GALNTL6: variants seen among roughly 807,000 people sequenced by gnomAD.
GALNTL6 encodes the protein polypeptide N-acetylgalactosaminyltransferase-like 6.
A neutral mutation model predicts 73.7 loss-of-function variants in GALNTL6; 46 were observed. The observed-to-expected ratio is 0.62, with a 90% CI of 0.49 to 0.80. The LOEUF (loss-of-function observed/expected upper bound fraction) is 0.80, where lower values mean the gene tolerates loss of function less well. GALNTL6 is among the 30% of genes least tolerant of loss of function. GALNTL6 has a pLI of 0.00. For synonymous variants in GALNTL6, 259 were observed against 263.7 expected (o/e 0.98, Z 0.17); for missense variants, 604 against 755.0 (o/e 0.80, Z 2.34).
chr4:172,781,478 CA>C (rs1560948569), intron 5 of GALNTL6, among the ~76,000 whole-genome samples: 3 of 151,686 alleles, frequency 2.0e-5, no homozygotes, highest in African/African-American at 7.3e-5. Context: ...GCATTTTTTT[CA>C]AAAAAATTTT....
chr4:172,683,934 G>A (rs1208418686), intron 5 of GALNTL6, among the ~76,000 whole-genome samples: 2 of 152,164 alleles, frequency 1.3e-5, no homozygotes, highest in East Asian at 1.9e-4. Context: ...CTATGACTTA[G>A]AAAGGACCAC....
At chr4:172,522,329 A>G (rs1734802512) in intron 5 of GALNTL6, among the ~76,000 whole-genome samples, 1 of 152,188 alleles carries the variant, frequency 6.6e-6, no homozygotes, top group South Asian at 2.1e-4. Context: ...GTTGATTATT[A>G]TCTTTAAACA....
At chr4:172,217,137 A>G (rs1736520837) in intron 2 of GALNTL6, among the ~76,000 whole-genome samples, 1 of 152,162 alleles carries the variant, frequency 6.6e-6, no homozygotes, top group African/African-American at 2.4e-5. Flanking sequence ...GTCCTTTAAA[A>G]GGTGTTGGAC....
In GALNTL6 at chr4:172,112,422, T is replaced by C. The variant is rs553105095; in HGVS notation, c.139-117234T>C. On this transcript the variant is annotated intron_variant, in intron 2 of 12. Coordinates refer to ENST00000506823, the MANE Select transcript of GALNTL6 (RefSeq NM_001034845.3). The stretch of plus-strand genomic sequence containing the variant: ...TTTGCGTAAATACCAAGGAGTTCAG[T>C]TGCTAAATCCTATGGTAAGGGTATG... Among the ~76,000 whole-genome samples, 4 of 152,150 alleles carry C rather than the reference T, an allele frequency of 2.6e-5. No homozygotes were observed. The East Asian group carries it at 7.7e-4, about 29-fold the overall frequency.
intron 8 of GALNTL6, among the ~76,000 whole-genome samples, chr4:172,902,716 C>T (rs1444400025): frequency 6.6e-6 from 1 of 152,196 alleles, no homozygotes; most frequent in Non-Finnish European, 1.5e-5. Context: ...CAGGTAACCA[C>T]CTTTGTTGTG....
intron 2 of GALNTL6, among the ~76,000 whole-genome samples, chr4:172,199,709 C>T (rs911937080): frequency 2.0e-5 from 3 of 151,928 alleles, no homozygotes; most frequent in African/African-American, 4.8e-5. Context: ...TTTTTAAACT[C>T]CTGGTAAATA....
intron 3 of GALNTL6, among the ~76,000 whole-genome samples, chr4:172,234,687 T>G (rs1227439093): frequency 6.6e-6 from 1 of 152,176 alleles, no homozygotes; most frequent in African/African-American, 2.4e-5. Flanking sequence ...AATAGCTACA[T>G]TTGATTTGTT....
intron 3 of GALNTL6, among the ~76,000 whole-genome samples, chr4:172,304,116 T>C (rs1247406771): frequency 1.2e-4 from 18 of 152,202 alleles, no homozygotes; most frequent in Non-Finnish European, 1.0e-4. Context: ...AGTTAATAAC[T>C]GTGGTGTTCA....
intron 4 of GALNTL6, among the ~76,000 whole-genome samples, chr4:172,337,280 A>G (rs997742357): frequency 6.6e-6 from 1 of 152,068 alleles, no homozygotes; most frequent in African/African-American, 2.4e-5. Context: ...TACACCATGT[A>G]CATTCAAGGT....
chr4:173,026,049 G>A (rs187491504), intron 12 of GALNTL6, among the ~76,000 whole-genome samples: 1 of 152,194 alleles, frequency 6.6e-6, no homozygotes, highest in Non-Finnish European at 1.5e-5. Context: ...CTCCAAAATT[G>A]AGCGCTATCT....
intron 5 of GALNTL6, among the ~76,000 whole-genome samples, chr4:172,358,581 A>T (rs1742247646): frequency 6.6e-6 from 1 of 152,126 alleles, no homozygotes; most frequent in Non-Finnish European, 1.5e-5. Flanking sequence ...TGTGTGGCCC[A>T]AGACAATTTT....
At chr4:173,027,788 A>G (rs1753293701) in intron 12 of GALNTL6, among the ~76,000 whole-genome samples, 1 of 152,228 alleles carries the variant, frequency 6.6e-6, no homozygotes, top group Admixed American at 6.5e-5. Context: ...ATGTTAGGGT[A>G]TTTAGAAAAT....
At chr4:172,346,726 C>G (rs333403) in intron 4 of GALNTL6, among the ~76,000 whole-genome samples, 73 of 152,162 alleles carry the variant, frequency 4.8e-4, no homozygotes, top group African/African-American at 1.7e-3. Context: ...TGGCCTATAT[C>G]AAACCTTCAG....
At chr4:171,978,251 A>G (rs1739780054) in intron 2 of GALNTL6, among the ~76,000 whole-genome samples, 1 of 148,762 alleles carries the variant, frequency 6.7e-6, no homozygotes. Flanking sequence ...GTTGTTATAT[A>G]TACTAACTAT....
At chr4:172,312,766 T>G (rs1028337548) in intron 4 of GALNTL6, among the ~76,000 whole-genome samples, 2 of 152,244 alleles carry the variant, frequency 1.3e-5, no homozygotes, top group Non-Finnish European at 2.9e-5. Flanking sequence ...GACTATTTTC[T>G]AGTTGCCATT....
At chr4:172,521,032 G>A (rs550005087) in intron 5 of GALNTL6, among the ~76,000 whole-genome samples, 2 of 151,978 alleles carry the variant, frequency 1.3e-5, no homozygotes, top group Admixed American at 6.6e-5. Flanking sequence ...AAAGTGAAAA[G>A]ATGTTTTCTT....
At chr4:172,726,901 G>A (rs1210563365) in intron 5 of GALNTL6, among the ~76,000 whole-genome samples, 1 of 152,126 alleles carries the variant, frequency 6.6e-6, no homozygotes, top group African/African-American at 2.4e-5. Context: ...GTGATCAAAT[G>A]TCAGGTCATC....
At chr4:172,702,721 A>C (rs1734096072) in intron 5 of GALNTL6, among the ~76,000 whole-genome samples, 1 of 152,056 alleles carries the variant, frequency 6.6e-6, no homozygotes, top group South Asian at 2.1e-4. Context: ...GAACTGAGAG[A>C]GGCTGAATAA....
At chr4:171,987,571 C>T (rs1229114803) in intron 2 of GALNTL6, among the ~76,000 whole-genome samples, 3 of 152,118 alleles carry the variant, frequency 2.0e-5, no homozygotes, top group African/African-American at 2.4e-5. Context: ...GGGCAAATCC[C>T]CGAGCTTGAT....
Sources: gnomAD v4.1 joint callset for allele counts (sites outside exome capture counted in the v4.1 genomes callset) on GRCh38, gnomAD v4.1.1 for gene constraint, MANE v1.5 for transcripts, NCBI Gene and HGNC (gene_info 2026-07-23, HGNC 2026-07-21) for gene names.